Variants in HS3ST2 observed in about 807,000 individuals in gnomAD.
HS3ST2 encodes the protein heparan sulfate-glucosamine 3-sulfotransferase 2.
In HS3ST2, 17 loss-of-function variants were observed where a neutral mutation model predicts 26.3. The observed-to-expected ratio is 0.65, with a 90% CI of 0.44 to 0.97. The LOEUF is 0.97. HS3ST2 is among the 50% of genes least tolerant of loss of function. The probability of loss-of-function intolerance (pLI) is 0.00; values close to 1 mark genes in which losing one functional copy is unlikely to be tolerated. For synonymous variants in HS3ST2, 237 were observed against 219.2 expected, an observed-to-expected ratio of 1.08 and a Z score of -0.72; for missense variants, 402 against 501.2, an observed-to-expected ratio of 0.80 and a Z score of 1.89.
At chr16:22,906,658 C>A (rs1902358596) in intron 1 of HS3ST2, among the ~76,000 whole-genome samples, 1 of 152,230 alleles carries the variant, frequency 6.6e-6, no homozygotes, top group Admixed American at 6.5e-5. Flanking sequence ...AGAGCTTGGA[C>A]TCCCCCTCAG....
At chr16:22,819,269 C>T (rs897246378) in intron 1 of HS3ST2, among the ~76,000 whole-genome samples, 5 of 149,564 alleles carry the variant, frequency 3.3e-5, no homozygotes, top group African/African-American at 1.2e-4. Context: ...TCAGTCTGCT[C>T]ACCTGTGAAA....
chr16:22,827,710 C>CT (rs34248118), intron 1 of HS3ST2, among the ~76,000 whole-genome samples: 8,616 of 108,942 alleles, frequency 0.079, 884 homozygotes, highest in African/African-American at 0.16. Flanking sequence ...TTCTTTCTTT[C>CT]TTTTTTTTTT....
intron 1 of HS3ST2, among the ~76,000 whole-genome samples, chr16:22,861,264 G>A (rs766738842): frequency 1.7e-4 from 26 of 151,878 alleles, no homozygotes; most frequent in Non-Finnish European, 3.4e-4. Flanking sequence ...AGCCCAGTCT[G>A]GGGGGTCCAT....
intron 1 of HS3ST2, among the ~76,000 whole-genome samples, chr16:22,815,370 C>T (rs1266371845): frequency 6.6e-6 from 1 of 152,204 alleles, no homozygotes. Context: ...AGCTAAAGGG[C>T]TAACTCCCTC....
chr16:22,855,787 G>T (rs1192246041), intron 1 of HS3ST2, among the ~76,000 whole-genome samples: 1 of 149,250 alleles, frequency 6.7e-6, no homozygotes, highest in Non-Finnish European at 1.5e-5. Context: ...TTACCATGAT[G>T]CTTCAACCCT....
intron 1 of HS3ST2, among the ~76,000 whole-genome samples, chr16:22,842,236 A>G (rs1249362195): frequency 6.6e-6 from 1 of 151,062 alleles, no homozygotes; most frequent in Admixed American, 6.6e-5. Context: ...TAATTTTTAT[A>G]TTTTTAGCAG....
intron 1 of HS3ST2, among the ~76,000 whole-genome samples, chr16:22,912,948 C>A (rs898004666): frequency 1.3e-5 from 2 of 152,052 alleles, no homozygotes; most frequent in African/African-American, 4.8e-5. Flanking sequence ...GGAGTCTAGA[C>A]CCGCCTCCTA....
chr16:22,867,435 C>T (rs758860919), intron 1 of HS3ST2, among the ~76,000 whole-genome samples: 2 of 151,996 alleles, frequency 1.3e-5, no homozygotes, highest in Non-Finnish European at 2.9e-5. Flanking sequence ...GCAAAGCAGC[C>T]AGCAAAATGG....
rs267604458 is a variant in HS3ST2, at chr16:22,815,013, C to A, written c.403C>A (p.Arg135=). The A allele has an allele frequency of 1.2e-6, 2 of 1,613,014 alleles. No homozygotes were observed. Among genetic ancestry groups the A allele is most frequent in the Non-Finnish European group, 1.7e-6 (2 of 1,180,016 alleles). ...CACCCGGGCCGTGCTGGAGTTTATC[C>A]GAGTACACCCGGACGTGCGGGCCTT... ...GGTRAVLEFI[R]VHPDVRALGT... The change falls in exon 1 of 2, where the codon CGA becomes AGA. Residue 135 remains arginine, a synonymous_variant. Coordinates refer to ENST00000261374, the MANE Select transcript of HS3ST2 (RefSeq NM_006043.2).
intron 1 of HS3ST2, among the ~76,000 whole-genome samples, chr16:22,877,262 C>A (rs1330620051): frequency 6.6e-6 from 1 of 152,164 alleles, no homozygotes; most frequent in African/African-American, 2.4e-5. Flanking sequence ...TGCAGGCATT[C>A]CCCAAAGAGC....
At chr16:22,880,470 A>T (rs1375838202) in intron 1 of HS3ST2, among the ~76,000 whole-genome samples, 1 of 152,230 alleles carries the variant, frequency 6.6e-6, no homozygotes, top group Non-Finnish European at 1.5e-5. Flanking sequence ...AAAAACCTTC[A>T]GTAACAAAGT....
intron 1 of HS3ST2, among the ~76,000 whole-genome samples, chr16:22,912,968 G>A (rs1036210311): frequency 1.3e-5 from 2 of 152,022 alleles, no homozygotes; most frequent in African/African-American, 4.8e-5. Flanking sequence ...ACCTCATTAG[G>A]ATTGGGAAAG....
At position 22,895,017 on chromosome 16, in the gene HS3ST2, G is replaced by A. The variant is rs143904113; in HGVS notation, c.486-19927G>A. Among the ~76,000 whole-genome samples the A allele has an allele frequency of 6.6e-5, 10 of 151,304 alleles. No homozygotes were observed. The East Asian group carries it at 1.4e-3, about 20-fold the overall frequency. The stretch of plus-strand genomic sequence containing the variant: ...AAGTAAATGCTGGGTTTGATTCAGC[G>A]TGTTATGTACAAGTTCCAACTATGA... On this transcript the variant is annotated intron_variant, in intron 1 of 1. Transcript: ENST00000261374.
At chr16:22,849,608 A>G (rs1051203899) in intron 1 of HS3ST2, among the ~76,000 whole-genome samples, 1 of 152,222 alleles carries the variant, frequency 6.6e-6, no homozygotes, top group African/African-American at 2.4e-5. Context: ...GACCCAGTTG[A>G]GAGACACTTC....
rs191284392 is a variant in HS3ST2, at chr16:22,826,423, A to C, written c.485+11328A>C. 1.9e-4 allele frequency among the ~76,000 whole-genome samples: 29 copies of C among 152,288 alleles called. No homozygotes were observed. In the East Asian group the frequency reaches 4.6e-3, roughly 24 times the overall value. Reference sequence around the variant, plus strand: ...TCAAAGAGACCATTCTCAGCCACCTAGTCTAGGCTGGCTCACCTCCTCACC... The same window carrying C: ...TCAAAGAGACCATTCTCAGCCACCTCGTCTAGGCTGGCTCACCTCCTCACC... On this transcript the variant is annotated intron_variant, in intron 1 of 1. Transcript: ENST00000261374.
chr16:22,825,128 C>T (rs541315682), intron 1 of HS3ST2, among the ~76,000 whole-genome samples: 2 of 152,226 alleles, frequency 1.3e-5, no homozygotes, highest in South Asian at 4.2e-4. Context: ...AGAAGGAATA[C>T]GTTGGAATCT....
intron 1 of HS3ST2, among the ~76,000 whole-genome samples, chr16:22,838,057 A>G (rs1257449782): frequency 6.6e-6 from 1 of 152,210 alleles, no homozygotes; most frequent in East Asian, 1.9e-4. Context: ...AAAGAAAAAT[A>G]TAAAGTAAAC....
intron 1 of HS3ST2, among the ~76,000 whole-genome samples, chr16:22,893,511 G>C (rs1335684387): frequency 6.6e-6 from 1 of 151,904 alleles, no homozygotes; most frequent in East Asian, 1.9e-4. Context: ...TGCTTTTTCA[G>C]AATGTGTAGA....
rs142494549 is a variant in HS3ST2 at position 22,838,338 on chromosome 16, C to T, written c.485+23243C>T. The stretch of plus-strand genomic sequence containing the variant: ...CTCTGGAATATGTTCGAAGCTGACC[C>T]GCTGAGTATGCCTGGAGTTGCACCT... On this transcript the variant is annotated intron_variant, in intron 1 of 1. Transcript: ENST00000261374. 2.9e-4 allele frequency among the ~76,000 whole-genome samples: 44 copies of T among 152,186 alleles called. 1 individual carries two copies. In the East Asian group the frequency reaches 4.7e-3, roughly 16 times the overall value.
Sources: allele counts gnomAD v4.1 joint callset (sites outside exome capture counted in the v4.1 genomes callset), GRCh38; gene constraint gnomAD v4.1.1; transcripts MANE v1.5; gene names NCBI Gene and HGNC (gene_info 2026-07-23, HGNC 2026-07-21).